The following MAGED1 variants were observed in gnomAD, a reference collection of about 807,000 sequenced individuals.
MAGED1 encodes the protein MAGE family member D1, also known as melanoma-associated antigen D1.
A neutral mutation model predicts 54.1 loss-of-function variants in MAGED1; 3 were observed. The observed-to-expected ratio is 0.06, with a 90% CI of 0.03 to 0.14. MAGED1 has a LOEUF of 0.14. MAGED1 is among the 10% of genes least tolerant of loss of function. The pLI, the probability that MAGED1 is intolerant of heterozygous loss-of-function variation, is 1.00. For missense variants in MAGED1, 485 were observed against 623.4 expected (o/e 0.78, Z 2.36); for synonymous variants, 217 against 227.3 (o/e 0.95, Z 0.41).
intron 1 of MAGED1, among the ~76,000 whole-genome samples, chrX:51,849,956 A>G (rs1315642143): frequency 9.0e-6 from 1 of 111,204 alleles, no homozygotes; most frequent in Non-Finnish European, 1.9e-5. Flanking sequence ...TTTTTTAGAC[A>G]GAGTCTTGCT....
chrX:51,858,063 A>T (rs1927151110), intron 1 of MAGED1: 1 of 112,654 alleles, frequency 8.9e-6, no homozygotes, highest in Non-Finnish European at 1.9e-5. Context: ...GATTCTTTGT[A>T]AAAGTTAAAA....
intron 1 of MAGED1, among the ~76,000 whole-genome samples, chrX:51,849,612 A>G (rs782662982): frequency 1.8e-5 from 2 of 111,654 alleles, no homozygotes; most frequent in Admixed American, 1.9e-4. Context: ...GCTCTCATGA[A>G]TATTTCTAAA....
At chrX:51,901,252 A>T (rs1411945118) in intron 11 of MAGED1, among the ~76,000 whole-genome samples, 1 of 112,054 alleles carries the variant, frequency 8.9e-6, no homozygotes, top group East Asian at 2.8e-4. Context: ...AGGCCCTGGA[A>T]ACTACCATTC....
At chrX:51,815,350 G>C (rs1425462423) in intron 1 of MAGED1, among the ~76,000 whole-genome samples, 10 of 110,946 alleles carry the variant, frequency 9.0e-5, no homozygotes, top group Non-Finnish European at 1.7e-4. Context: ...AGAACTTCCG[G>C]TGGGACAAGA....
chrX:51,894,904 C>T, intron 2 of MAGED1, 149 bp from the exon 3 acceptor site: 9 of 932,793 alleles, frequency 9.6e-6, no homozygotes, highest in Non-Finnish European at 1.3e-5. Context: ...CCTCGCGGGC[C>T]CCCTAGATCT....
At chrX:51,844,983 C>T (rs1479415247) in intron 1 of MAGED1, among the ~76,000 whole-genome samples, 1 of 111,425 alleles carries the variant, frequency 9.0e-6, no homozygotes, top group Non-Finnish European at 1.9e-5. Context: ...CCTGTAATCC[C>T]AGCGCTTTGG....
chrX:51,818,829 A>G (rs986796263), intron 1 of MAGED1, among the ~76,000 whole-genome samples: 2 of 112,077 alleles, frequency 1.8e-5, no homozygotes, highest in African/African-American at 6.5e-5. Flanking sequence ...AATGTAAATC[A>G]AGTTAACACA....
chrX:51,897,501 C>T, intron 5 of MAGED1, 46 bp from the exon 6 acceptor site: 1 of 1,047,042 alleles, frequency 9.6e-7, no homozygotes, highest in South Asian at 1.9e-5. Flanking sequence ...GACTGCTGCT[C>T]TGTGGCCCCC....
chrX:51,881,472 A>G (rs1557362486), intron 1 of MAGED1, among the ~76,000 whole-genome samples: 1 of 107,368 alleles, frequency 9.3e-6, no homozygotes, highest in African/African-American at 3.4e-5. Context: ...CTGGAGTGCA[A>G]TGGTAAGATC....
intron 1 of MAGED1, among the ~76,000 whole-genome samples, chrX:51,860,339 G>A (rs782820800): frequency 8.9e-6 from 1 of 111,862 alleles, no homozygotes; most frequent in African/African-American, 3.3e-5. Context: ...CAGTTAGGAG[G>A]CTATTTATAA....
intron 1 of MAGED1, among the ~76,000 whole-genome samples, chrX:51,825,537 G>A (rs1050962138): frequency 3.0e-4 from 34 of 112,048 alleles, no homozygotes; most frequent in African/African-American, 1.1e-3. Context: ...TATCTACTCA[G>A]TAGCTTAGCC....
upstream of MAGED1, among the ~76,000 whole-genome samples, chrX:51,890,580 C>G (rs782364909): frequency 9.0e-6 from 1 of 111,069 alleles, no homozygotes; most frequent in African/African-American, 3.3e-5. Flanking sequence ...TATATATGAC[C>G]TTACTAAAAT....
At chrX:51,872,298 A>G (rs1244525926) in intron 1 of MAGED1, among the ~76,000 whole-genome samples, 1 of 111,379 alleles carries the variant, frequency 9.0e-6, no homozygotes, top group African/African-American at 3.3e-5. Flanking sequence ...CCATTTGTCA[A>G]TTTTGGCTTT....
intron 10 of MAGED1, 143 bp downstream of exon 10, chrX:51,898,786 T>G: frequency 2.0e-6 from 1 of 507,560 alleles, no homozygotes; most frequent in Admixed American, 4.3e-5. Context: ...GCAGATCGCT[T>G]GAGCCCAGGA....
chrX:51,900,270 A>G lies in MAGED1; in HGVS notation c.1933A>G (p.Met645Val). 1 of 1,206,624 alleles carries G rather than the reference A, an allele frequency of 8.3e-7. No individual in the cohort carries two copies. Among genetic ancestry groups the G allele is most frequent in the Non-Finnish European group, 1.1e-6 (1 of 891,854 alleles). ...CCGTTCCTACCATGAGACTAGCAAG[A>G]TGAAAGTGCTGAGATTCATTGCAGA... ...GLRSYHETSK[M>V]KVLRFIAEVQ... The change falls in exon 11 of 13, where the codon ATG (methionine) becomes GTG (valine). Residue 645 changes from methionine (M) to valine (V), a missense_variant. By Grantham distance (21) the Met-to-Val change is conservative. This residue lies in a region of MAGED1 where 186 missense variants were observed against 330.3 expected (regional missense o/e 0.56). Coordinates refer to ENST00000326587, the MANE Select transcript of MAGED1 (RefSeq NM_006986.4).
intron 1 of MAGED1, among the ~76,000 whole-genome samples, chrX:51,804,627 A>G (rs1354089724): frequency 1.8e-5 from 2 of 112,001 alleles, no homozygotes; most frequent in African/African-American, 6.5e-5. Context: ...GCTGGGAGAC[A>G]GACAATAACT....
At chrX:51,861,778 G>A (rs1469844797) in intron 1 of MAGED1, among the ~76,000 whole-genome samples, 3 of 111,146 alleles carry the variant, frequency 2.7e-5, no homozygotes, top group Non-Finnish European at 5.7e-5. Flanking sequence ...CTGCCTCCTG[G>A]GTTCAAGCAA....
At chrX:51,817,988 G>A in intron 1 of MAGED1, among the ~76,000 whole-genome samples, 1 of 111,874 alleles carries the variant, frequency 8.9e-6, no homozygotes. Context: ...CATCTTGAAT[G>A]GGGGTCCCCT....
intron 1 of MAGED1, among the ~76,000 whole-genome samples, chrX:51,838,167 G>A (rs782619669): frequency 2.7e-5 from 3 of 112,478 alleles, no homozygotes; most frequent in Non-Finnish European, 5.6e-5. Flanking sequence ...TCTCAGTGCT[G>A]TAATACCCTG....
Sources: allele counts gnomAD v4.1 joint callset (sites outside exome capture counted in the v4.1 genomes callset), GRCh38; gene constraint gnomAD v4.1.1; regional missense constraint gnomAD v4.1.1; transcripts MANE v1.5; gene names NCBI Gene and HGNC (gene_info 2026-07-23, HGNC 2026-07-21).